TEC: variants seen among roughly 807,000 people sequenced by gnomAD.
The protein encoded by TEC is tyrosine-protein kinase Tec.
TEC carries 72 observed loss-of-function variants against 93.0 expected under a neutral mutation model. The ratio of observed to expected loss-of-function variants is 0.77; its 90% CI spans 0.64 to 0.94. The LOEUF is 0.94. TEC is among the 40% of genes least tolerant of loss of function. The pLI, the probability that TEC is intolerant of heterozygous loss-of-function variation, is 0.00. For missense variants in TEC, 630 were observed against 757.9 expected (o/e 0.83, Z 1.98); for synonymous variants, 249 against 247.7 (o/e 1.01, Z -0.05).
intron 2 of TEC, among the ~76,000 whole-genome samples, chr4:48,221,859 C>A (rs146381252): frequency 1.3e-5 from 2 of 152,262 alleles, no homozygotes; most frequent in African/African-American, 2.4e-5. Flanking sequence ...ACCTCATTAA[C>A]ATAAACATAG....
chr4:48,145,347 T>A (rs551727817), intron 13 of TEC, 52 bp from the exon 14 acceptor site: 1 of 1,611,136 alleles, frequency 6.2e-7, no homozygotes, highest in African/African-American at 1.3e-5. Flanking sequence ...ACTACCAAGT[T>A]TTTGGTAAGG....
chr4:48,239,099 T>C (rs1723862076), intron 1 of TEC, among the ~76,000 whole-genome samples: 1 of 152,124 alleles, frequency 6.6e-6, no homozygotes, highest in African/African-American at 2.4e-5. Context: ...AGGAAAACCC[T>C]TGCAAAAACT....
At chr4:48,211,028 A>G (rs1245018187) in intron 2 of TEC, among the ~76,000 whole-genome samples, 3 of 152,198 alleles carry the variant, frequency 2.0e-5, no homozygotes, top group Non-Finnish European at 4.4e-5. Context: ...AAAAACTCCT[A>G]TGAGGGAAGT....
intron 2 of TEC, among the ~76,000 whole-genome samples, chr4:48,184,768 A>ACAC (rs1190852276): frequency 0.014 from 1,393 of 96,960 alleles, 26 homozygotes; most frequent in African/African-American, 0.041. Flanking sequence ...AGACAAAAAA[A>ACAC]ATACACACAC....
intron 2 of TEC, among the ~76,000 whole-genome samples, chr4:48,190,766 C>A (rs1386846981): frequency 6.6e-6 from 1 of 152,094 alleles, no homozygotes; most frequent in Non-Finnish European, 1.5e-5. Flanking sequence ...TAAGAAGTGA[C>A]TAGAAACAGG....
chr4:48,191,614 A>G (rs1349021073), intron 2 of TEC, among the ~76,000 whole-genome samples: 1 of 152,224 alleles, frequency 6.6e-6, no homozygotes, highest in Admixed American at 6.5e-5. Flanking sequence ...TTAAAACAGA[A>G]TAATATTTTA....
At chr4:48,226,167 T>G (rs186085842) in intron 2 of TEC, among the ~76,000 whole-genome samples, 1 of 152,308 alleles carries the variant, frequency 6.6e-6, no homozygotes, top group African/African-American at 2.4e-5. Context: ...AGTTAGCAAT[T>G]GCAATATATT....
At chr4:48,167,694 G>T in intron 7 of TEC, 84 bp downstream of exon 7, 1 of 1,295,984 alleles carries the variant, frequency 7.7e-7, no homozygotes, top group South Asian at 1.3e-5. Context: ...CTCATTACAC[G>T]ATAGTTACGA....
chr4:48,167,645 T>C (rs1720922760), intron 7 of TEC, 133 bp downstream of exon 7: 1 of 770,770 alleles, frequency 1.3e-6, no homozygotes, highest in East Asian at 2.5e-5. Flanking sequence ...TACTACCAAG[T>C]AATAAGGTGT....
intron 2 of TEC, among the ~76,000 whole-genome samples, chr4:48,189,388 A>G (rs1722012464): frequency 6.6e-6 from 1 of 152,214 alleles, no homozygotes; most frequent in South Asian, 2.1e-4. Context: ...AAACCCCATA[A>G]AGGTTACACA....
intron 1 of TEC, among the ~76,000 whole-genome samples, chr4:48,268,278 T>C (rs1181437726): frequency 6.6e-6 from 1 of 152,238 alleles, no homozygotes; most frequent in Admixed American, 6.5e-5. Flanking sequence ...GCAAAGGTAT[T>C]GCCAACTAGA....
At chr4:48,184,570 A>G (rs1721723111) in intron 2 of TEC, among the ~76,000 whole-genome samples, 1 of 152,102 alleles carries the variant, frequency 6.6e-6, no homozygotes, top group Non-Finnish European at 1.5e-5. Context: ...TCTCAATTCA[A>G]TTATAAAGAA....
At chr4:48,267,055 C>T (rs1304429948) in intron 1 of TEC, among the ~76,000 whole-genome samples, 1 of 152,152 alleles carries the variant, frequency 6.6e-6, no homozygotes, top group Non-Finnish European at 1.5e-5. Context: ...GAAGTATCAA[C>T]TATAAGCCAC....
chr4:48,262,888 A>G (rs1030604078), intron 1 of TEC, among the ~76,000 whole-genome samples: 1 of 152,256 alleles, frequency 6.6e-6, no homozygotes, highest in Non-Finnish European at 1.5e-5. Flanking sequence ...TTGCCAATGC[A>G]TAGCTGCCAT....
At chr4:48,179,018 G>A (rs1721445252) in intron 2 of TEC, among the ~76,000 whole-genome samples, 2 of 152,114 alleles carry the variant, frequency 1.3e-5, no homozygotes, top group African/African-American at 4.8e-5. Flanking sequence ...TGCAAGTGCT[G>A]ACACTCTTCT....
intron 2 of TEC, among the ~76,000 whole-genome samples, chr4:48,221,384 T>C (rs1401768375): frequency 6.6e-6 from 1 of 152,194 alleles, no homozygotes; most frequent in African/African-American, 2.4e-5. Context: ...TAAGGGGCTT[T>C]TCCCGCTTTG....
At chr4:48,194,040 A>G (rs1722194525) in intron 2 of TEC, among the ~76,000 whole-genome samples, 1 of 152,168 alleles carries the variant, frequency 6.6e-6, no homozygotes, top group African/African-American at 2.4e-5. Context: ...GGGGAACACC[A>G]TTCCCACCCC....
In TEC at chr4:48,239,924, GAT is replaced by G. The variant is rs573736353; in HGVS notation, c.-45-11267_-45-11266del. Among the ~76,000 whole-genome samples the G allele has an allele frequency of 1.2e-3, 187 of 152,030 alleles. 1 individual carries two copies. Among genetic ancestry groups the G allele is most frequent in the Non-Finnish European group, 2.0e-3 (136 of 67,936 alleles). On this transcript the variant is annotated intron_variant, in intron 1 of 17. Coordinates refer to ENST00000381501, the MANE Select transcript of TEC (RefSeq NM_003215.3). ...GGTTCATCGGTAATATTTGTTTGAT[GAT>G]ATGAGGATTTGATGATATTAAGATA...
At position 48,137,386 on chromosome 4, in the gene TEC, G is replaced by A. The variant is rs760796861; in HGVS notation, c.*30C>T. 6.9e-6 allele frequency: 11 copies of A among 1,584,858 alleles called. No homozygotes were observed. In the Admixed American group the frequency reaches 1.9e-4, roughly 27 times the overall value. On this transcript the variant is annotated 3_prime_UTR_variant, in exon 18 of 18. Transcript: ENST00000381501. ...AAATGCCCATCCTTCCTTGTGCTTG[G>A]GAATCTGGGAGCCACTGGTCACACA...
Sources: gnomAD v4.1 joint callset for allele counts (sites outside exome capture counted in the v4.1 genomes callset) on GRCh38, gnomAD v4.1.1 for gene constraint, MANE v1.5 for transcripts, NCBI Gene and HGNC (gene_info 2026-07-23, HGNC 2026-07-21) for gene names.